The following PRRC2B variants were observed in gnomAD, a reference collection of about 807,000 sequenced individuals.
PRRC2B encodes the protein proline rich coiled-coil 2B, also known as protein PRRC2B.
A neutral mutation model predicts 242.3 loss-of-function variants in PRRC2B; 68 were observed. That is an observed-to-expected ratio of 0.28 (90% CI 0.23 to 0.34). The LOEUF (loss-of-function observed/expected upper bound fraction) is 0.34. Among genes scored for constraint, PRRC2B ranks in the 10% least tolerant of loss-of-function variants. PRRC2B has a pLI of 1.00. For missense variants in PRRC2B, 2,835 were observed against 2,954.8 expected (o/e 0.96, Z 0.94); for synonymous variants, 1,228 against 1,173.6 (o/e 1.05, Z -0.95).
At position 131,485,837 on chromosome 9, in the gene PRRC2B, C is replaced by A. The variant is rs901285563; in HGVS notation, c.5759-248C>A. On this transcript the variant is annotated intron_variant, in intron 25 of 31. Coordinates refer to ENST00000683519, the MANE Select transcript of PRRC2B (RefSeq NM_013318.4). ...GAGGTGGGAAGGGTAGGCCAGAGCC[C>A]ACCTGCCTCCTCCCTCCTCCTAGGT... 3.8e-5 allele frequency: 28 copies of A among 727,596 alleles called. 1 individual carries two copies. The highest frequency in any genetic ancestry group is 2.8e-4 in the Admixed American group (16 of 57,544). The allele number at this position is 727,596 out of a possible 1,614,324, so 45.1% of individuals were successfully genotyped here. A position where few individuals can be genotyped will look rare whatever the true frequency, so the allele number is the denominator to read the frequency against.
chr9:131,475,348 G>A lies in PRRC2B; in HGVS notation c.3219G>A (p.Glu1073=). Residue 1073 remains glutamate (E), a synonymous_variant, in exon 16 of 32, where the codon GAG becomes GAA. Coordinates refer to ENST00000683519, the MANE Select transcript of PRRC2B (RefSeq NM_013318.4). The part of the protein sequence containing the change: ...QARGRGRGFR[E]FTFRGRPAGG... ...GGGGCCGGGGCCGTGGTTTCAGAGA[G>A]TTCACTTTTCGTGGTCGGCCTGCTG... 6.3e-7 allele frequency: 1 copy of A among 1,588,706 alleles called. No homozygotes were observed.
intron 31 of PRRC2B, among the ~76,000 whole-genome samples, chr9:131,495,105 G>A (rs1944295180): frequency 6.6e-6 from 1 of 152,142 alleles, no homozygotes; most frequent in Admixed American, 6.5e-5. Context: ...TGTGTGGAAT[G>A]AGCTTCTAAA....
At position 131,446,668 on chromosome 9, in the gene PRRC2B, T is replaced by A; in HGVS notation, c.855+26T>A. The A allele has an allele frequency of 6.2e-7, 1 of 1,610,652 alleles. No homozygotes were observed. The highest frequency in any genetic ancestry group is 1.3e-5 in the African/African-American group (1 of 74,654). On this transcript the variant is annotated intron_variant, in intron 7 of 31. Transcript: ENST00000683519. This position sits in a 1 kb window ranked among gnomAD's most constrained non-coding sequence, Gnocchi z 4.1. ...GTAAGTCTTCAGAGTGTACTTTTTT[T>A]CCCCCCATGAAGTTGGATTGTGTCC...
chr9:131,428,366 G>T (rs1489178518), intron 1 of PRRC2B, among the ~76,000 whole-genome samples: 2 of 152,050 alleles, frequency 1.3e-5, no homozygotes, highest in East Asian at 3.9e-4. Flanking sequence ...GGCTACAGGT[G>T]CATGCCACCA....
chr9:131,478,693 G>A, intron 18 of PRRC2B, 74 bp downstream of exon 18: 1 of 1,081,518 alleles, frequency 9.2e-7, no homozygotes, highest in Non-Finnish European at 1.4e-6. Context: ...CAGAGCCAGA[G>A]GGTAAGGGAG....
intron 11 of PRRC2B, among the ~76,000 whole-genome samples, chr9:131,460,718 C>T (rs1457421023): frequency 6.6e-6 from 1 of 152,178 alleles, no homozygotes; most frequent in East Asian, 1.9e-4. Flanking sequence ...ATTGGGTGTT[C>T]CTTCAGGCCA....
At chr9:131,378,384 T>A (rs532215025) in intron 1 of PRRC2B, among the ~76,000 whole-genome samples, 1 of 150,946 alleles carries the variant, frequency 6.6e-6, no homozygotes, top group African/African-American at 2.4e-5. Context: ...GCCACAGGTC[T>A]CTAGCCTCCC....
Position 131,394,906 on chromosome 9 carries a change from C to T in PRRC2B, c.-52+643C>T, listed in dbSNP as rs139172639. Among the ~76,000 whole-genome samples, 268 of 150,870 alleles carry T rather than the reference C, an allele frequency of 1.8e-3. 2 individuals are homozygous for T. Among genetic ancestry groups the T allele is most frequent in the African/African-American group, 6.2e-3 (254 of 41,220 alleles). On this transcript the variant is annotated intron_variant, in intron 1 of 31. Transcript: ENST00000683519. Reference sequence around the variant, plus strand: ...TTTTCGAAATGCTGAATGCTCCATGCTAAAAATGTTTAATAATAAACAGGA... The same window carrying T: ...TTTTCGAAATGCTGAATGCTCCATGTTAAAAATGTTTAATAATAAACAGGA...
chr9:131,486,099 C>T lies in PRRC2B; in HGVS notation c.5773C>T (p.Pro1925Ser). 6.2e-7 allele frequency: 1 copy of T among 1,612,490 alleles called. No individual in the cohort carries two copies. The highest frequency in any genetic ancestry group is 2.2e-5 in the East Asian group (1 of 44,852). Residue 1925 changes from proline to serine, a missense_variant, in exon 26 of 32, where the codon CCC (proline) becomes TCC (serine). Physicochemically the swap from Pro to Ser is moderately conservative, Grantham distance 74 (BLOSUM62 -1). Coordinates refer to ENST00000683519, the MANE Select transcript of PRRC2B (RefSeq NM_013318.4). Reference sequence around the variant, plus strand: ...TCTGTTTCCAGGCAGCCACCTCCCGCCCCTGTACCTGGATGGCCATGTGTT... The same window carrying T: ...TCTGTTTCCAGGCAGCCACCTCCCGTCCCTGTACCTGGATGGCCATGTGTT... ...SASMPGSHLPPLYLDGHVFAS... is the reference protein window; with the variant it reads ...SASMPGSHLPSLYLDGHVFAS...
intron 1 of PRRC2B, among the ~76,000 whole-genome samples, chr9:131,415,136 G>C (rs1460477276): frequency 6.6e-6 from 1 of 152,084 alleles, no homozygotes; most frequent in Non-Finnish European, 1.5e-5. Flanking sequence ...TGGGACTACA[G>C]GTGTGCGCCA....
rs1157090651 is a variant in PRRC2B, at chr9:131,499,391, C to T, written c.*3517C>T. The T allele has an allele frequency of 2.0e-5, 3 of 152,330 alleles. No individual in the cohort carries two copies. Among genetic ancestry groups the T allele is most frequent in the Non-Finnish European group, 2.9e-5 (2 of 68,036 alleles). The allele number at this position is 152,330 out of a possible 1,614,324, so 9.4% of individuals were successfully genotyped here. A position where few individuals can be genotyped will look rare whatever the true frequency, so the allele number is the denominator to read the frequency against. On this transcript the variant is annotated 3_prime_UTR_variant, in exon 32 of 32. Transcript: ENST00000683519. Reference sequence around the variant, plus strand: ...ATCTTCATTTGTCCCTTTTCACTTCCTGCAGAACAAGCCTGGGTTAGAGGG... The same window carrying T: ...ATCTTCATTTGTCCCTTTTCACTTCTTGCAGAACAAGCCTGGGTTAGAGGG...
chr9:131,442,720 G>A (rs1838639683), intron 5 of PRRC2B, among the ~76,000 whole-genome samples: 1 of 152,116 alleles, frequency 6.6e-6, no homozygotes. Flanking sequence ...ATTCCACAGG[G>A]GGCCATTTGT....
chr9:131,476,018 C>G lies in PRRC2B; in HGVS notation c.3889C>G (p.Arg1297Gly). 6.2e-7 allele frequency: 1 copy of G among 1,606,592 alleles called. No homozygotes were observed. Among genetic ancestry groups the G allele is most frequent in the South Asian group, 1.1e-5 (1 of 90,864 alleles). Residue 1297 changes from arginine to glycine, a missense_variant, in exon 16 of 32, where the codon CGG (arginine) becomes GGG (glycine). Transcript: ENST00000683519. ...GGCAGATTCTGAAAATGCAGAGAAC[C>G]GGCCCTTCAGGAGAAGGCGCCCCCC... ...HVADSENAEN[R>G]PFRRRRPPRQ...
intron 1 of PRRC2B, among the ~76,000 whole-genome samples, chr9:131,420,493 C>CTTTCTTTCTTTCTTTCTTT: frequency 3.3e-5 from 1 of 30,164 alleles, no homozygotes; most frequent in Admixed American, 4.5e-4. Flanking sequence ...TTCTTTCTTT[C>CTTTCTTTCTTTCTTTCTTT]TTTTTTTTTT....
rs935320269 is a variant in PRRC2B, at chr9:131,482,079, T to C, written c.4983+271T>C. Among the ~76,000 whole-genome samples, 1 of 152,200 alleles carries C rather than the reference T, an allele frequency of 6.6e-6. No individual in the cohort carries two copies. Among genetic ancestry groups the C allele is most frequent in the African/African-American group, 2.4e-5 (1 of 41,458 alleles). ...GGGAAGAGGGATTCAGGGCCTCCTC[T>C]GAACTGGTGTCAGCAGCCACGTAGT... is the stretch of plus-strand genomic sequence containing the variant. On this transcript the variant is annotated intron_variant, in intron 20 of 31. Transcript: ENST00000683519. This position sits in a 1 kb window ranked among gnomAD's most constrained non-coding sequence, Gnocchi z 5.2.
chr9:131,378,333 C>A (rs1336479518), intron 1 of PRRC2B, among the ~76,000 whole-genome samples: 1 of 149,198 alleles, frequency 6.7e-6, no homozygotes, highest in Non-Finnish European at 1.5e-5. Flanking sequence ...AAAAAAAAGT[C>A]CTGGCAGGCC....
rs1838803893 is a variant in PRRC2B, at chr9:131,446,489, C to T, written c.702C>T (p.Asn234=). 6.2e-7 allele frequency: 1 copy of T among 1,613,854 alleles called. No individual in the cohort carries two copies. The highest frequency in any genetic ancestry group is 1.3e-5 in the African/African-American group (1 of 74,982). The change falls in exon 7 of 32, where the codon AAC becomes AAT. Residue 234 remains asparagine (N), a synonymous_variant. Coordinates refer to ENST00000683519, the MANE Select transcript of PRRC2B (RefSeq NM_013318.4). This position sits in a 1 kb window ranked among gnomAD's most constrained non-coding sequence, Gnocchi z 4.1. ...CCCCAACTGAGCTGGGCAGCAGGAA[C>T]TCGAGTACGGGAGATGGAGCCCCCT... is the stretch of plus-strand genomic sequence containing the variant. ...STSPTELGSR[N]SSTGDGAPSS... is the part of the protein sequence containing the mutation.
At chr9:131,377,414 A>G (rs1486188488) in intron 1 of PRRC2B, among the ~76,000 whole-genome samples, 1 of 152,072 alleles carries the variant, frequency 6.6e-6, no homozygotes, top group Non-Finnish European at 1.5e-5. Flanking sequence ...CTCCTGGCCT[A>G]TACTATTAAT....
At chr9:131,409,043 A>T (rs1837439648) in intron 1 of PRRC2B, among the ~76,000 whole-genome samples, 2 of 132,700 alleles carry the variant, frequency 1.5e-5, no homozygotes, top group South Asian at 4.7e-4. Context: ...TTTTCCTGAG[A>T]TGGAGTTTTG....
Sources: allele counts gnomAD v4.1 joint callset (sites outside exome capture counted in the v4.1 genomes callset), GRCh38; gene constraint gnomAD v4.1.1; non-coding constraint Gnocchi (gnomAD v3.1); transcripts MANE v1.5; gene names NCBI Gene and HGNC (gene_info 2026-07-23, HGNC 2026-07-21).